ZNF880: variants seen among roughly 807,000 people sequenced by gnomAD.
The protein encoded by ZNF880 is zinc finger protein LOC400713.
A neutral mutation model predicts 11.8 loss-of-function variants in ZNF880; 12 were observed. The ratio of observed to expected loss-of-function variants is 1.02; its 90% confidence interval spans 0.65 to 1.65. The LOEUF (loss-of-function observed/expected upper bound fraction) is 1.65, where lower values mean the gene tolerates loss of function less well. Ranked by LOEUF, ZNF880 falls within the 40% of genes most tolerant of loss-of-function variation. The pLI, the probability that ZNF880 is intolerant of heterozygous loss-of-function variation, is 0.00. For missense variants in ZNF880, 601 were observed against 673.9 expected (o/e 0.89, Z 1.20); for synonymous variants, 210 against 232.4 (o/e 0.90, Z 0.88).
At chr19:52,392,532 C>G in the ZNF880 span, 1 of 156,146 alleles carries the variant, frequency 6.4e-6, no homozygotes, top group Admixed American at 6.5e-5. Context: ...AACTCCTGAC[C>G]TCAAGTGATC....
rs1406566349 is a variant in ZNF880, at chr19:52,374,383, C to T, written c.224C>T (p.Ala75Val). 1.2e-6 allele frequency: 2 copies of T among 1,613,082 alleles called. No homozygotes were observed. Among genetic ancestry groups the T allele is most frequent in the Non-Finnish European group, 1.7e-6 (2 of 1,179,582 alleles). Residue 75 changes from alanine to valine, a missense_variant, in exon 3 of 4, where the codon GCA (alanine) becomes GTA (valine). Physicochemically the swap from Ala to Val is moderately conservative, Grantham distance 64. Transcript: ENST00000422689. The stretch of plus-strand genomic sequence containing the variant: ...AATCTGCAGAGTGAAGTGAAAATAG[C>T]AAACAATCCAGGTGGCAGGGAGTGC... ...PRNLQSEVKIANNPGGRECIK... is the reference protein window; with the variant it reads ...PRNLQSEVKIVNNPGGRECIK...
At chr19:52,379,309 T>C (rs1162311756) in intron 3 of ZNF880, 1 of 365,030 alleles carries the variant, frequency 2.7e-6, no homozygotes, top group Non-Finnish European at 5.3e-6. Flanking sequence ...TAAATATTTC[T>C]TTTCCTTTCC....
chr19:52,388,083 T>C (rs549504243), downstream of ZNF880, among the ~76,000 whole-genome samples: 10 of 143,828 alleles, frequency 7.0e-5, 2 homozygotes, highest in Middle Eastern at 3.6e-3. Flanking sequence ...TTTCACCATA[T>C]TGGCTAGGCT....
downstream of ZNF880, chr19:52,389,269 C>G (rs1986979448): frequency 6.6e-6 from 1 of 152,214 alleles, no homozygotes; most frequent in Non-Finnish European, 1.5e-5. Context: ...TCCAAAGTTT[C>G]ATCTGAGACA....
chr19:52,370,068 A>G (rs1163214193), intron 1 of ZNF880, 91 bp downstream of exon 1: 42 of 1,475,272 alleles, frequency 2.8e-5, no homozygotes, highest in Non-Finnish European at 3.5e-5. Context: ...AGACCTTGAA[A>G]TCCCCGCATC....
At chr19:52,382,951 T>C (rs1986746182) in intron 3 of ZNF880, among the ~76,000 whole-genome samples, 1 of 152,218 alleles carries the variant, frequency 6.6e-6, no homozygotes, top group East Asian at 1.9e-4. Flanking sequence ...AAAAATGTAC[T>C]AGGGTTGGTT....
chr19:52,383,540 T>C (rs1986763682), intron 3 of ZNF880, among the ~76,000 whole-genome samples: 1 of 152,198 alleles, frequency 6.6e-6, no homozygotes, highest in African/African-American at 2.4e-5. Flanking sequence ...ATACAGCTGC[T>C]CTAAAAGTTC....
At chr19:52,393,853 T>TG in the ZNF880 span, among the ~76,000 whole-genome samples, 1 of 144,562 alleles carries the variant, frequency 6.9e-6, no homozygotes, top group Non-Finnish European at 1.5e-5. Flanking sequence ...TTTTTTTTTT[T>TG]TGAGACGGAG....
chr19:52,369,874 C>T, upstream of ZNF880: 1 of 1,515,476 alleles, frequency 6.6e-7, no homozygotes, highest in South Asian at 1.2e-5. Context: ...GCAGGCTCCG[C>T]CCAATCCCAC....
intron 2 of ZNF880, 134 bp from the exon 3 acceptor site, chr19:52,374,165 A>T: frequency 1.5e-6 from 1 of 672,674 alleles, no homozygotes; most frequent in Non-Finnish European, 2.4e-6. Flanking sequence ...TCCCAGGTTC[A>T]CGCTGAGTAT....
chr19:52,388,306 T>TTTTTTTTTTTG (rs1986949585), downstream of ZNF880, among the ~76,000 whole-genome samples: 2 of 131,088 alleles, frequency 1.5e-5, no homozygotes, highest in Non-Finnish European at 3.3e-5. Flanking sequence ...TTTTTTTTTT[T>TTTTTTTTTTTG]AGGCAGAGTC....
downstream of ZNF880, among the ~76,000 whole-genome samples, chr19:52,388,282 C>CT (rs68179783): frequency 1.3e-3 from 83 of 63,398 alleles, 9 homozygotes; most frequent in Middle Eastern, 0.016. Flanking sequence ...GCAATTTGAA[C>CT]TTTTTTTTTT....
intron 1 of ZNF880, among the ~76,000 whole-genome samples, chr19:52,372,356 C>T (rs573771320): frequency 8.6e-4 from 125 of 145,856 alleles, no homozygotes; most frequent in African/African-American, 3.0e-3. Context: ...GGCACCATCT[C>T]GGCTCACTGC....
rs781288356 is a variant in ZNF880, at chr19:52,384,908, A to G, written c.1328A>G (p.Lys443Arg). The G allele has an allele frequency of 5.6e-6, 9 of 1,605,006 alleles. No homozygotes were observed. The highest frequency in any genetic ancestry group is 2.2e-5 in the East Asian group (1 of 44,666). Reference sequence around the variant, plus strand: ...CCTTACAAATGTAAAGAATGTGCCAAGGTCTTCAGGCATAGATTATCCCTA... The same window carrying G: ...CCTTACAAATGTAAAGAATGTGCCAGGGTCTTCAGGCATAGATTATCCCTA... Reference protein sequence around the residue: ...EKPYKCKECAKVFRHRLSLSN... With the variant: ...EKPYKCKECARVFRHRLSLSN... Residue 443 changes from lysine to arginine, a missense_variant, in exon 4 of 4, where the codon AAG becomes AGG. Physicochemically the swap from Lys to Arg is conservative, Grantham distance 26 (BLOSUM62 2). Coordinates refer to ENST00000422689, the MANE Select transcript of ZNF880 (RefSeq NM_001145434.2).
At chr19:52,383,456 G>A (rs1986761039) in intron 3 of ZNF880, among the ~76,000 whole-genome samples, 1 of 152,082 alleles carries the variant, frequency 6.6e-6, no homozygotes, top group African/African-American at 2.4e-5. Flanking sequence ...TGCTATAAAG[G>A]GTATAGGAAC....
At position 52,384,225 on chromosome 19, in the gene ZNF880, T is replaced by A. The variant is rs1460554190; in HGVS notation, c.645T>A (p.Asn215Lys). The change falls in exon 4 of 4, where the codon AAT becomes AAA. Residue 215 changes from asparagine (N) to lysine (K), a missense_variant. Asn to Lys is a moderately conservative substitution (Grantham distance 94). Coordinates refer to ENST00000422689, the MANE Select transcript of ZNF880 (RefSeq NM_001145434.2). ...IHTADNPYKC[N>K]ECDKVFSNSS... ...CTGCAGATAACCCTTACAAATGTAA[T>A]GAATGTGACAAGGTCTTCAGTAACA... is the stretch of plus-strand genomic sequence containing the variant. The A allele has an allele frequency of 4.3e-6, 7 of 1,612,570 alleles. No individual in the cohort carries two copies. In the Admixed American group the frequency reaches 8.4e-5, roughly 19 times the overall value.
At chr19:52,368,780 A>G (rs1986240019), upstream of ZNF880, among the ~76,000 whole-genome samples, 1 of 151,914 alleles carries the variant, frequency 6.6e-6, no homozygotes, top group Admixed American at 6.6e-5. Context: ...CTCTGGTGAA[A>G]ACTTTAGGGG....
intron 2 of ZNF880, among the ~76,000 whole-genome samples, chr19:52,373,697 CAG>C (rs1413889148): frequency 9.7e-6 from 1 of 103,136 alleles, no homozygotes; most frequent in Non-Finnish European, 1.8e-5. Flanking sequence ...TTTTTTGAGA[CAG>C]AGTCTCCCTG....
At chr19:52,383,017 CT>C (rs1226285308) in intron 3 of ZNF880, among the ~76,000 whole-genome samples, 1 of 152,198 alleles carries the variant, frequency 6.6e-6, no homozygotes, top group South Asian at 2.1e-4. Context: ...AATAACATAT[CT>C]TTCAATTTGC....
Sources: gnomAD v4.1 joint callset for allele counts (sites outside exome capture counted in the v4.1 genomes callset) on GRCh38, gnomAD v4.1.1 for gene constraint, MANE v1.5 for transcripts, NCBI Gene and HGNC (gene_info 2026-07-23, HGNC 2026-07-21) for gene names.